Variants in MCCC2 observed in about 807,000 individuals in gnomAD.
The protein encoded by MCCC2 is methylcrotonoyl-CoA carboxylase beta chain, mitochondrial.
Under a neutral mutation model 77.2 loss-of-function variants are expected in MCCC2, and 52 were observed. The observed-to-expected ratio is 0.67, with a 90% CI of 0.54 to 0.85. The LOEUF is 0.85. MCCC2 is among the 40% of genes least tolerant of loss of function. MCCC2 has a pLI of 0.00. For synonymous variants in MCCC2, 253 were observed against 248.4 expected (o/e 1.02, Z -0.18); for missense variants, 682 against 703.2 (o/e 0.97, Z 0.34).
intron 15 of MCCC2, among the ~76,000 whole-genome samples, chr5:71,651,157 A>T (rs889427726): frequency 2.0e-5 from 3 of 152,220 alleles, no homozygotes; most frequent in Admixed American, 6.5e-5. Context: ...ACTTAGTGAG[A>T]TTTAAATAAG....
chr5:71,632,173 A>T lies in MCCC2; in HGVS notation c.791A>T (p.Asp264Val). 6.2e-7 allele frequency: 1 copy of T among 1,614,162 alleles called. No homozygotes were observed. Among genetic ancestry groups the T allele is most frequent in the Non-Finnish European group, 8.5e-7 (1 of 1,179,992 alleles). Residue 264 changes from aspartate (D) to valine (V), a missense_variant, in exon 8 of 17, where the codon GAT becomes GTT. By Grantham distance (152) the Asp-to-Val change is radical. Transcript: ENST00000340941. Reference sequence around the variant, plus strand: ...TCTGCTGAGGATCTTGGAGGTGCTGATCTTCATTGCAGGTGAAACAGAAAT... The same window carrying T: ...TCTGCTGAGGATCTTGGAGGTGCTGTTCTTCATTGCAGGTGAAACAGAAAT... ...EVSAEDLGGA[D>V]LHCRKSGVSD...
At chr5:71,625,482 G>T (rs1408123228) in intron 6 of MCCC2, among the ~76,000 whole-genome samples, 1 of 152,128 alleles carries the variant, frequency 6.6e-6, no homozygotes, top group Non-Finnish European at 1.5e-5. Flanking sequence ...TCATTTAAAA[G>T]TTTATTTATG....
intron 6 of MCCC2, among the ~76,000 whole-genome samples, chr5:71,618,948 A>G (rs2112388796): frequency 1.3e-5 from 2 of 152,276 alleles, no homozygotes; most frequent in East Asian, 1.9e-4. Flanking sequence ...TATAAGCAAC[A>G]AGGTTTTTGT....
intron 7 of MCCC2, among the ~76,000 whole-genome samples, chr5:71,630,768 T>C (rs1490090095): frequency 1.3e-5 from 2 of 152,298 alleles, no homozygotes; most frequent in East Asian, 3.9e-4. Context: ...TTTCTTTTCT[T>C]TTTTCTTTTT....
At chr5:71,634,914 C>G in intron 8 of MCCC2, 29 bp from the exon 9 acceptor site, 6 of 1,594,224 alleles carry the variant, frequency 3.8e-6, no homozygotes, top group Non-Finnish European at 4.3e-6. Context: ...TTTCCCTGTT[C>G]TGACAAGTTT....
intron 6 of MCCC2, 141 bp from the exon 7 acceptor site, chr5:71,626,499 A>G (rs1036093925): frequency 4.4e-6 from 3 of 680,180 alleles, no homozygotes; most frequent in Non-Finnish European, 7.9e-6. Flanking sequence ...CATTTAGAGG[A>G]CTTTGTTTTT....
chr5:71,590,889 CAT>C (rs1744949736), intron 1 of MCCC2, among the ~76,000 whole-genome samples: 1 of 151,852 alleles, frequency 6.6e-6, no homozygotes, highest in Non-Finnish European at 1.5e-5. Context: ...TGTGGCCTGA[CAT>C]GTAGTCTATC....
At chr5:71,594,903 T>A (rs1007427714) in intron 2 of MCCC2, among the ~76,000 whole-genome samples, 1 of 151,688 alleles carries the variant, frequency 6.6e-6, no homozygotes, top group Non-Finnish European at 1.5e-5. Context: ...TCTCTCTTTT[T>A]TTTTTTTTTT....
chr5:71,646,713 G>A (rs1052031775), intron 13 of MCCC2, among the ~76,000 whole-genome samples: 2 of 152,118 alleles, frequency 1.3e-5, no homozygotes, highest in African/African-American at 2.4e-5. Context: ...TCTGAGTTAT[G>A]TACCTGATCA....
chr5:71,646,513 CACCATGCCTGGTTAATTTT>C (rs1486645882), intron 13 of MCCC2, among the ~76,000 whole-genome samples: 1 of 152,146 alleles, frequency 6.6e-6, no homozygotes, highest in East Asian at 1.9e-4. Flanking sequence ...AGGCATGTGC[CACCATGCCTGGTTAATTTT>C]TGTATTTTTG....
At chr5:71,600,271 A>G (rs986635892) in intron 4 of MCCC2, among the ~76,000 whole-genome samples, 1 of 152,192 alleles carries the variant, frequency 6.6e-6, no homozygotes, top group South Asian at 2.1e-4. Flanking sequence ...TGGCTGAAAA[A>G]AATTCAGTCA....
chr5:71,649,876 C>G (rs1340303716), intron 14 of MCCC2, among the ~76,000 whole-genome samples, 193 bp from the exon 15 acceptor site: 1 of 152,212 alleles, frequency 6.6e-6, no homozygotes, highest in Non-Finnish European at 1.5e-5. Context: ...GAAGTCCCAT[C>G]TGTGCTCAGG....
At chr5:71,609,107 G>A (rs1297850108) in intron 6 of MCCC2, among the ~76,000 whole-genome samples, 2 of 152,026 alleles carry the variant, frequency 1.3e-5, no homozygotes, top group Non-Finnish European at 1.5e-5. Context: ...GAATCTGAAC[G>A]TTGGCCTGCC....
At chr5:71,653,296 G>T (rs1747490025) in intron 16 of MCCC2, among the ~76,000 whole-genome samples, 1 of 152,156 alleles carries the variant, frequency 6.6e-6, no homozygotes, top group South Asian at 2.1e-4. Context: ...TGCCGCTGTT[G>T]GCTCGGTTTT....
At chr5:71,642,496 C>A (rs1042173640) in intron 11 of MCCC2, among the ~76,000 whole-genome samples, 1 of 152,102 alleles carries the variant, frequency 6.6e-6, no homozygotes, top group Non-Finnish European at 1.5e-5. Flanking sequence ...TATGGGTGTC[C>A]CTAGTAGTGT....
chr5:71,652,547 T>C, intron 15 of MCCC2, 122 bp from the exon 16 acceptor site: 1 of 781,460 alleles, frequency 1.3e-6, no homozygotes, highest in South Asian at 1.5e-5. Context: ...TATACATCAC[T>C]ATGCACATGT....
chr5:71,635,794 G>A (rs2112439933), intron 10 of MCCC2: 1 of 171,048 alleles, frequency 5.8e-6, no homozygotes, highest in South Asian at 1.4e-4. Flanking sequence ...ATCCATAGTT[G>A]GCAGAGTAGT....
chr5:71,626,583 TA>T, intron 6 of MCCC2, 56 bp from the exon 7 acceptor site: 1 of 1,358,488 alleles, frequency 7.4e-7, no homozygotes. Flanking sequence ...GATCAAACAC[TA>T]TAGAAGTCAC....
In MCCC2 at chr5:71,643,893, A is replaced by ATTTT. The variant is rs1196344423; in HGVS notation, c.1147_1148insTTTT (p.Lys383IlefsTer30). 3.1e-6 allele frequency: 5 copies of ATTTT among 1,614,082 alleles called. No individual in the cohort carries two copies. In the East Asian group the frequency reaches 1.1e-4, roughly 36 times the overall value. On this transcript the variant is annotated frameshift_variant and splice_region_variant, in exon 12 of 17. Transcript: ENST00000340941. LOFTEE classifies it high-confidence loss of function. ...AGTTCTCTTTTCTGAATCTGCAAAA[A>ATTTT]AGGCAAGTACTGTTAAAAATATTTC...
Sources: gnomAD v4.1 joint callset for allele counts (sites outside exome capture counted in the v4.1 genomes callset) on GRCh38, gnomAD v4.1.1 for gene constraint, MANE v1.5 for transcripts, NCBI Gene and HGNC (gene_info 2026-07-23, HGNC 2026-07-21) for gene names.